RANBP2: variants seen among roughly 807,000 people sequenced by gnomAD.
The protein encoded by RANBP2 is E3 SUMO-protein ligase RanBP2.
Under a neutral mutation model 303.6 loss-of-function variants are expected in RANBP2, and 57 were observed. The observed-to-expected ratio is 0.19, with a 90% CI of 0.15 to 0.23. The LOEUF (loss-of-function observed/expected upper bound fraction) is 0.23, where lower values mean the gene tolerates loss of function less well. Among genes scored for constraint, RANBP2 ranks in the 10% least tolerant of loss-of-function variants. RANBP2 has a pLI of 1.00. For synonymous variants in RANBP2, 1,167 were observed against 1,301.5 expected (o/e 0.90, Z 2.23); for missense variants, 3,138 against 3,780.8 (o/e 0.83, Z 4.46).
At chr2:109,138,749 A>G in the RANBP2 span, among the ~76,000 whole-genome samples, 1 of 152,218 alleles carries the variant, frequency 6.6e-6, no homozygotes, top group Non-Finnish European at 1.5e-5. Flanking sequence ...AGCTGTCACC[A>G]TGGCCCTGTG....
At chr2:109,429,206 A>T in the RANBP2 span, among the ~76,000 whole-genome samples, 35 of 152,150 alleles carry the variant, frequency 2.3e-4, no homozygotes, top group African/African-American at 8.0e-4. Context: ...AGGACAGCAG[A>T]TGCAGTTGAC....
the RANBP2 span, among the ~76,000 whole-genome samples, chr2:109,004,632 C>CT: frequency 6.6e-6 from 1 of 152,174 alleles, no homozygotes; most frequent in Non-Finnish European, 1.5e-5. Context: ...AGCAAAGGGT[C>CT]TTTCCTGGGC....
intron 25 of RANBP2, among the ~76,000 whole-genome samples, chr2:108,780,042 C>T (rs1032700700): frequency 6.6e-6 from 1 of 152,030 alleles, no homozygotes; most frequent in Non-Finnish European, 1.5e-5. Flanking sequence ...GAACCTACTT[C>T]TTTACTTGGA....
chr2:109,312,287 G>A, the RANBP2 span, among the ~76,000 whole-genome samples: 3 of 152,272 alleles, frequency 2.0e-5, no homozygotes, highest in African/African-American at 7.2e-5. Context: ...CTTTTCTTGT[G>A]AATGAGCTTC....
chr2:109,685,095 A>G, the RANBP2 span, among the ~76,000 whole-genome samples: 1 of 149,988 alleles, frequency 6.7e-6, no homozygotes, highest in East Asian at 2.0e-4. Context: ...CTGGTCTTGA[A>G]CTCCTGACCT....
chr2:109,715,010 C>T, the RANBP2 span, among the ~76,000 whole-genome samples: 3 of 151,910 alleles, frequency 2.0e-5, no homozygotes, highest in Admixed American at 2.0e-4. Context: ...GCTCTTGTTG[C>T]CCAGGCTGGA....
the RANBP2 span, among the ~76,000 whole-genome samples, chr2:109,059,508 A>G: frequency 1.7e-4 from 26 of 151,984 alleles, no homozygotes; most frequent in Admixed American, 5.2e-4. Context: ...CCCGGGAGGC[A>G]GAGCTTGCAC....
intron 4 of RANBP2, chr2:108,731,872 A>T: frequency 4.8e-6 from 1 of 206,332 alleles, no homozygotes; most frequent in Non-Finnish European, 9.8e-6. Context: ...AGTAGAAGGG[A>T]TTGCATTTTG....
At chr2:109,429,747 C>T in the RANBP2 span, among the ~76,000 whole-genome samples, 5 of 152,190 alleles carry the variant, frequency 3.3e-5, no homozygotes, top group African/African-American at 4.8e-5. Context: ...GCTTTTGTGT[C>T]CGCAGCTGTG....
the RANBP2 span, among the ~76,000 whole-genome samples, chr2:109,342,964 G>A: frequency 6.6e-6 from 1 of 152,102 alleles, no homozygotes; most frequent in Admixed American, 6.6e-5. Flanking sequence ...TTTTCTTAAT[G>A]TCTTGAGCCC....
At chr2:108,899,068 A>G in the RANBP2 span, among the ~76,000 whole-genome samples, 6 of 152,264 alleles carry the variant, frequency 3.9e-5, no homozygotes, top group African/African-American at 1.2e-4. Context: ...TACAGATTCA[A>G]GAAGATAAGC....
the RANBP2 span, among the ~76,000 whole-genome samples, chr2:109,028,304 G>A: frequency 6.6e-6 from 1 of 152,132 alleles, no homozygotes; most frequent in Non-Finnish European, 1.5e-5. Flanking sequence ...CATATTGTTC[G>A]ATTTTAAATG....
the RANBP2 span, among the ~76,000 whole-genome samples, chr2:109,599,004 T>C: frequency 6.6e-6 from 1 of 152,214 alleles, no homozygotes; most frequent in Admixed American, 6.5e-5. Context: ...TAAAATCATT[T>C]TATAACATCT....
chr2:109,112,833 A>T, the RANBP2 span, among the ~76,000 whole-genome samples: 1 of 152,082 alleles, frequency 6.6e-6, no homozygotes, highest in African/African-American at 2.4e-5. Context: ...AAGGGATCCA[A>T]TTTCAGCTTT....
At chr2:109,419,045 G>C in the RANBP2 span, among the ~76,000 whole-genome samples, 1 of 152,106 alleles carries the variant, frequency 6.6e-6, no homozygotes, top group African/African-American at 2.4e-5. Flanking sequence ...GGGTCTTGGG[G>C]GGAGGGGGGC....
the RANBP2 span, among the ~76,000 whole-genome samples, chr2:109,632,734 G>T: frequency 1.3e-5 from 2 of 151,712 alleles, no homozygotes; most frequent in Non-Finnish European, 2.9e-5. Context: ...CAGGAGAATC[G>T]CTTGAACCCA....
chr2:108,923,030 C>T, the RANBP2 span, among the ~76,000 whole-genome samples: 1 of 152,190 alleles, frequency 6.6e-6, no homozygotes, highest in African/African-American at 2.4e-5. Flanking sequence ...TCTGTGATCT[C>T]CTTTGTTTTC....
At chr2:109,619,869 A>G in the RANBP2 span, among the ~76,000 whole-genome samples, 2 of 152,332 alleles carry the variant, frequency 1.3e-5, no homozygotes, top group East Asian at 1.9e-4. Context: ...TATTCCTTCA[A>G]TGATCACCCA....
chr2:108,763,926 T>G lies in RANBP2; in HGVS notation c.3387T>G (p.Asp1129Glu), dbSNP rs142454773. 5 of 1,613,942 alleles carry G rather than the reference T, an allele frequency of 3.1e-6. No homozygotes were observed. The highest frequency in any genetic ancestry group is 4.2e-6 in the Non-Finnish European group (5 of 1,179,984). Residue 1129 changes from aspartate (D) to glutamate (E), a missense_variant, in exon 20 of 29, where the codon GAT becomes GAG. Around this residue, in one of 20 missense-constraint regions of RANBP2, gnomAD observed 403 missense variants for 376.7 expected, o/e 1.07. Transcript: ENST00000283195. ...QQKNSGFRRS[D>E]DMFTFHGPGK... ...AGAATTCTGGTTTTCGGCGAAGTGA[T>G]GATATGTTTACTTTCCATGGTCCAG...
Sources: allele counts gnomAD v4.1 joint callset (sites outside exome capture counted in the v4.1 genomes callset), GRCh38; gene constraint gnomAD v4.1.1; regional missense constraint gnomAD v4.1.1; transcripts MANE v1.5; gene names NCBI Gene and HGNC (gene_info 2026-07-23, HGNC 2026-07-21).